Variants in ZNF668 observed in about 807,000 individuals in gnomAD.
ZNF668 encodes zinc finger protein 668.
A neutral mutation model predicts 40.3 loss-of-function variants in ZNF668; 10 were observed. The observed-to-expected ratio is 0.25, with a 90% CI of 0.15 to 0.42. The LOEUF (loss-of-function observed/expected upper bound fraction) is 0.42, where lower values mean the gene tolerates loss of function less well. Ranked by LOEUF, ZNF668 falls within the 10% of genes least tolerant of loss-of-function variation. The pLI, the probability that ZNF668 is intolerant of heterozygous loss-of-function variation, is 1.00. For missense variants in ZNF668, 749 were observed against 904.6 expected, an observed-to-expected ratio of 0.83 and a Z score of 2.21; for synonymous variants, 428 against 384.6, an observed-to-expected ratio of 1.11 and a Z score of -1.32.
At chr16:31,068,297 C>T (rs1348391793) in intron 1 of ZNF668, among the ~76,000 whole-genome samples, 1 of 139,298 alleles carries the variant, frequency 7.2e-6, no homozygotes, top group Admixed American at 7.6e-5. Flanking sequence ...CTCTGTTGCC[C>T]AGGCTGGAGT....
Position 31,064,026 on chromosome 16 carries a change from C to T in ZNF668, c.434G>A (p.Cys145Tyr). Residue 145 changes from cysteine to tyrosine, a missense_variant, in exon 2 of 3, where the codon TGC (cysteine) becomes TAC (tyrosine). Around this residue, in one of 4 missense-constraint regions of ZNF668, gnomAD observed 151 missense variants for 178.6 expected, o/e 0.85. Coordinates refer to ENST00000300849, the MANE Select transcript of ZNF668 (RefSeq NM_024706.5). The part of the protein sequence containing the change: ...AGELPFRCAH[C>Y]PKAYGALSKL... ...GGAGAGCGCGCCATAGGCCTTCGGG[C>T]AGTGCGCACAGCGGAAGGGCAGTTC... 1 of 1,605,210 alleles carries T rather than the reference C, an allele frequency of 6.2e-7. No individual in the cohort carries two copies. Among genetic ancestry groups the T allele is most frequent in the Non-Finnish European group, 8.5e-7 (1 of 1,174,106 alleles).
At chr16:31,069,442 C>T (rs2056999998) in intron 1 of ZNF668, among the ~76,000 whole-genome samples, 1 of 152,172 alleles carries the variant, frequency 6.6e-6, no homozygotes, top group Admixed American at 6.5e-5. Flanking sequence ...GTCTGAGCCA[C>T]TCTTCTCCCA....
At chr16:31,070,975 C>T (rs2057012800) in intron 1 of ZNF668, among the ~76,000 whole-genome samples, 1 of 151,976 alleles carries the variant, frequency 6.6e-6, no homozygotes. Context: ...AATTCTTCTG[C>T]CTCAGCCTCC....
chr16:31,068,620 G>C (rs1351482657), intron 1 of ZNF668, among the ~76,000 whole-genome samples: 1 of 148,770 alleles, frequency 6.7e-6, no homozygotes, highest in Non-Finnish European at 1.5e-5. Context: ...TGTTTGTTTG[G>C]TTTTGAAACA....
rs1490628931 is a variant in ZNF668 at position 31,071,028 on chromosome 16, A to AT, written c.-23+2630dup. Among the ~76,000 whole-genome samples, 3 of 148,986 alleles carry AT rather than the reference A, an allele frequency of 2.0e-5. No individual in the cohort carries two copies. In the East Asian group the frequency reaches 6.0e-4, roughly 30 times the overall value. ...AGGTGCCTGCCACCACAGCCAGCTA[A>AT]TTTTTTGTATTTTTAGTAGAGATGG... On this transcript the variant is annotated intron_variant, in intron 1 of 2. Coordinates refer to ENST00000300849, the MANE Select transcript of ZNF668 (RefSeq NM_024706.5).
chr16:31,065,268 G>A (rs2056972570), intron 1 of ZNF668, among the ~76,000 whole-genome samples: 1 of 152,212 alleles, frequency 6.6e-6, no homozygotes, highest in South Asian at 2.1e-4. Flanking sequence ...CTACTTTCTG[G>A]TCCAGAACCC....
At chr16:31,071,783 T>C (rs2057017209) in intron 1 of ZNF668, among the ~76,000 whole-genome samples, 1 of 152,184 alleles carries the variant, frequency 6.6e-6, no homozygotes, top group Non-Finnish European at 1.5e-5. Flanking sequence ...CTTTATGGTG[T>C]CATCTGGACA....
intron 1 of ZNF668, 60 bp downstream of exon 1, chr16:31,073,599 G>A (rs1035996643): frequency 6.6e-6 from 1 of 152,204 alleles, no homozygotes; most frequent in Non-Finnish European, 1.5e-5. Context: ...AGGCCAGCTC[G>A]GATCGTGGCC....
Position 31,060,851 on chromosome 16 carries a change from G to C in ZNF668, c.*217C>G. The C allele has an allele frequency of 2.1e-6, 1 of 471,760 alleles. No homozygotes were observed. Among genetic ancestry groups the C allele is most frequent in the Non-Finnish European group, 3.4e-6 (1 of 293,040 alleles). 29.2% of individuals were successfully genotyped at this position (471,760 alleles called of 1,614,324 possible). A position where few individuals can be genotyped will look rare whatever the true frequency, so the allele number is the denominator to read the frequency against. ...ACCAGAACACAGAAGATGACCTGGT[G>C]CCAAAATGAAAGCTTTAATGAGTGT... On this transcript the variant is annotated 3_prime_UTR_variant, in exon 3 of 3. Coordinates refer to ENST00000300849, the MANE Select transcript of ZNF668 (RefSeq NM_024706.5).
At chr16:31,067,786 C>T (rs1169555662) in intron 1 of ZNF668, among the ~76,000 whole-genome samples, 1 of 152,128 alleles carries the variant, frequency 6.6e-6, no homozygotes, top group Non-Finnish European at 1.5e-5. Context: ...ACCTAAGCAG[C>T]TGGGACTTCA....
intron 1 of ZNF668, among the ~76,000 whole-genome samples, chr16:31,068,239 A>AAAAAAAAAAAAAATATATAT (rs1473353128): frequency 3.6e-5 from 3 of 82,988 alleles, no homozygotes; most frequent in African/African-American, 1.5e-4. Flanking sequence ...AAAAAAAAAA[A>AAAAAAAAAAAAAATATATAT]ATATATATAT....
rs1009272364 is a variant in ZNF668 at position 31,064,421 on chromosome 16, G to A, written c.39C>T (p.Pro13=). 4 of 1,612,324 alleles carry A rather than the reference G, an allele frequency of 2.5e-6. No individual in the cohort carries two copies. In the African/African-American group the frequency reaches 4.0e-5, roughly 16 times the overall value. Residue 13 remains proline, a synonymous_variant, in exon 2 of 3, where the codon CCC becomes CCT. Coordinates refer to ENST00000300849, the MANE Select transcript of ZNF668 (RefSeq NM_024706.5). ...AGCGGCGGCCCGAGCGCTTGTAGCC[G>A]GGGGCTGGGGACCGGGCCTCTGCAG... ...VEAAEARSPA[P]GYKRSGRRYK...
chr16:31,073,501 A>G (rs1466306018), intron 1 of ZNF668, 158 bp downstream of exon 1: 1 of 152,090 alleles, frequency 6.6e-6, no homozygotes, highest in Non-Finnish European at 1.5e-5. Flanking sequence ...TGGGCCCGCA[A>G]TGCGCCCGGG....
Position 31,062,069 on chromosome 16 carries a change from G to A in ZNF668, c.859C>T (p.Arg287Cys). 2 of 1,613,066 alleles carry A rather than the reference G, an allele frequency of 1.2e-6. No individual in the cohort carries two copies. The highest frequency in any genetic ancestry group is 1.7e-5 in the Admixed American group (1 of 59,944). Reference sequence around the variant, plus strand: ...AAGCTCGAGGGGTCGGAGAACATGCGGCCGCAGCGCGGGCACAGGAAGGGC... The same window carrying A: ...AAGCTCGAGGGGTCGGAGAACATGCAGCCGCAGCGCGGGCACAGGAAGGGC... ...EKPFLCPRCGRMFSDPSSFRR... is the reference protein window; with the variant it reads ...EKPFLCPRCGCMFSDPSSFRR... The change falls in exon 3 of 3, where the codon CGC (arginine) becomes TGC (cysteine). Residue 287 changes from arginine to cysteine, a missense_variant. Transcript: ENST00000300849.
chr16:31,066,260 T>G (rs1306675239), intron 1 of ZNF668: 12 of 985,334 alleles, frequency 1.2e-5, no homozygotes, highest in Non-Finnish European at 1.2e-5. Flanking sequence ...TCCTTCCTGC[T>G]TGTTCCAAAT....
In ZNF668 at chr16:31,063,899, C is replaced by G; in HGVS notation, c.561G>C (p.Arg187=). The change falls in exon 2 of 3, where the codon CGG becomes CGC. Residue 187 remains arginine (R), a synonymous_variant. Coordinates refer to ENST00000300849, the MANE Select transcript of ZNF668 (RefSeq NM_024706.5). ...AGGGCCGCAGGCCAGCGTGAGTACG[C>G]CGGTGCTTGCGGAACACTGAAGGGT... ...FADPSVFRKH[R]RTHAGLRPYS... The G allele has an allele frequency of 6.3e-7, 1 of 1,593,874 alleles. No homozygotes were observed. Among genetic ancestry groups the G allele is most frequent in the South Asian group, 1.1e-5 (1 of 88,438 alleles).
At chr16:31,071,274 C>G (rs746738827) in intron 1 of ZNF668, among the ~76,000 whole-genome samples, 1 of 152,146 alleles carries the variant, frequency 6.6e-6, no homozygotes, top group Non-Finnish European at 1.5e-5. Context: ...TCAAGTGATT[C>G]TCCAGCCTCA....
At position 31,063,858 on chromosome 16, in the gene ZNF668, C is replaced by A. The variant is rs765000943; in HGVS notation, c.602G>T (p.Cys201Phe). The change falls in exon 2 of 3, where the codon TGC (cysteine) becomes TTC (phenylalanine). Residue 201 changes from cysteine to phenylalanine, a missense_variant. Around this residue, in one of 4 missense-constraint regions of ZNF668, gnomAD observed 151 missense variants for 178.6 expected, o/e 0.85. Transcript: ENST00000300849. ...CTTGAGCTCCGCATAGGCTTTGCCGCAACGCTCACAGCTGTAGGGCCGCAG... is the reference window on the plus strand; with the variant it reads ...CTTGAGCTCCGCATAGGCTTTGCCGAAACGCTCACAGCTGTAGGGCCGCAG... ...AGLRPYSCER[C>F]GKAYAELKDL... is the part of the protein sequence containing the mutation. 1.9e-6 allele frequency: 3 copies of A among 1,591,346 alleles called. No homozygotes were observed. The highest frequency in any genetic ancestry group is 1.7e-6 in the Non-Finnish European group (2 of 1,167,684).
At position 31,063,836 on chromosome 16, in the gene ZNF668, G is replaced by A. The variant is rs749818932; in HGVS notation, c.624C>T (p.Leu208=). The change falls in exon 2 of 3, where the codon CTC becomes CTT. Residue 208 remains leucine (L), a synonymous_variant. Transcript: ENST00000300849. ...CERCGKAYAE[L]KDLRNHERSH... ...ACCGCTCATGGTTGCGGAGGTCCTT[G>A]AGCTCCGCATAGGCTTTGCCGCAAC... 12 of 1,581,018 alleles carry A rather than the reference G, an allele frequency of 7.6e-6. No homozygotes were observed. In the East Asian group the frequency reaches 2.5e-4, roughly 33 times the overall value.
Sources: allele counts gnomAD v4.1 joint callset (sites outside exome capture counted in the v4.1 genomes callset), GRCh38; gene constraint gnomAD v4.1.1; regional missense constraint gnomAD v4.1.1; transcripts MANE v1.5; gene names NCBI Gene and HGNC (gene_info 2026-07-23, HGNC 2026-07-21).